UBR3: variants seen among roughly 807,000 people sequenced by gnomAD.
The protein encoded by UBR3 is ubiquitin protein ligase E3 component n-recognin 3, also known as E3 ubiquitin-protein ligase UBR3.
Under a neutral mutation model 243.2 loss-of-function variants are expected in UBR3, and 85 were observed. That is an observed-to-expected ratio of 0.35 (90% CI 0.29 to 0.42). The LOEUF (loss-of-function observed/expected upper bound fraction) is 0.42. Among genes scored for constraint, UBR3 ranks in the 10% least tolerant of loss-of-function variants. The probability of loss-of-function intolerance (pLI) is 1.00; values close to 1 mark genes in which losing one functional copy is unlikely to be tolerated. For synonymous variants in UBR3, 748 were observed against 799.8 expected (o/e 0.94, Z 1.09); for missense variants, 1,686 against 2,300.8 (o/e 0.73, Z 5.47).
At chr2:169,962,058 T>C (rs1281396811) in intron 24 of UBR3, among the ~76,000 whole-genome samples, 1 of 151,972 alleles carries the variant, frequency 6.6e-6, no homozygotes, top group Non-Finnish European at 1.5e-5. Context: ...CTGTCTTTGT[T>C]ACTTTTTCTC....
intron 19 of UBR3, among the ~76,000 whole-genome samples, chr2:169,936,834 G>A (rs574697789): frequency 4.6e-5 from 7 of 152,114 alleles, no homozygotes; most frequent in Non-Finnish European, 1.0e-4. Context: ...ATCCATGTCC[G>A]TACAAAGGAC....
At chr2:169,847,455 C>CAT (rs2082520497) in intron 1 of UBR3, among the ~76,000 whole-genome samples, 1 of 151,990 alleles carries the variant, frequency 6.6e-6, no homozygotes, top group South Asian at 2.1e-4. Flanking sequence ...AGTATAGAAA[C>CAT]CTTATAATAG....
At chr2:169,928,475 G>A (rs2085992697) in intron 17 of UBR3, among the ~76,000 whole-genome samples, 1 of 151,944 alleles carries the variant, frequency 6.6e-6, no homozygotes, top group Non-Finnish European at 1.5e-5. Flanking sequence ...TTATTTCGGG[G>A]AAAATATACC....
intron 35 of UBR3, among the ~76,000 whole-genome samples, chr2:170,064,168 T>A (rs1234345049): frequency 2.0e-5 from 3 of 152,192 alleles, no homozygotes; most frequent in African/African-American, 7.2e-5. Flanking sequence ...CTGTTCCTAG[T>A]CTGGCCCTTT....
chr2:170,042,807 T>C (rs2091000893), intron 32 of UBR3, among the ~76,000 whole-genome samples: 1 of 151,828 alleles, frequency 6.6e-6, no homozygotes, highest in South Asian at 2.1e-4. Flanking sequence ...GGTAATTATA[T>C]ATTTAACTGC....
chr2:169,949,673 T>C lies in UBR3; in HGVS notation c.3153T>C (p.Asn1051=). 1 of 1,551,178 alleles carries C rather than the reference T, an allele frequency of 6.4e-7. No homozygotes were observed. Among genetic ancestry groups the C allele is most frequent in the Non-Finnish European group, 8.7e-7 (1 of 1,146,616 alleles). ...GAAAGAAATTTCAGGAAATCATCAA[T>C]CGCAGTAGCAGTGAAGCAAATCAGG... The part of the protein sequence containing the change: ...ERRKKFQEII[N]RSSSEANQVV... Residue 1051 remains asparagine (N), a synonymous_variant, in exon 23 of 39, where the codon AAT becomes AAC. Coordinates refer to ENST00000272793, the MANE Select transcript of UBR3 (RefSeq NM_172070.4).
intron 32 of UBR3, among the ~76,000 whole-genome samples, chr2:170,049,098 T>A (rs1056652433): frequency 8.5e-5 from 13 of 152,194 alleles, no homozygotes; most frequent in African/African-American, 3.1e-4. Context: ...CACCATGCAG[T>A]TGAATCCACT....
chr2:170,081,657 AAG>A, intron 38 of UBR3, 67 bp from the exon 39 acceptor site: 1 of 1,224,126 alleles, frequency 8.2e-7, no homozygotes, highest in Non-Finnish European at 1.1e-6. Context: ...TCAGAAAAAA[AAG>A]AAGAAAGAAA....
At chr2:169,961,617 C>T (rs2087577462) in intron 24 of UBR3, among the ~76,000 whole-genome samples, 1 of 152,160 alleles carries the variant, frequency 6.6e-6, no homozygotes. Flanking sequence ...TTTTCTGTCA[C>T]AACTTTACAA....
At chr2:170,014,904 CA>C (rs2090189021) in intron 29 of UBR3, 1 of 158,782 alleles carries the variant, frequency 6.3e-6, no homozygotes, top group South Asian at 1.9e-4. Flanking sequence ...ACCACCTACA[CA>C]GTGGCTGACG....
intron 32 of UBR3, among the ~76,000 whole-genome samples, chr2:170,052,134 T>C (rs1227130963): frequency 6.6e-6 from 1 of 152,206 alleles, no homozygotes; most frequent in Non-Finnish European, 1.5e-5. Context: ...TTTTAGTCAA[T>C]GCTGCTACGT....
At chr2:169,986,256 G>A (rs1254470907) in intron 24 of UBR3, among the ~76,000 whole-genome samples, 2 of 152,108 alleles carry the variant, frequency 1.3e-5, no homozygotes. Context: ...GAGCTGTCAT[G>A]TTGTTGTGAA....
chr2:170,008,465 A>C (rs988116507), intron 28 of UBR3, among the ~76,000 whole-genome samples: 9 of 152,162 alleles, frequency 5.9e-5, no homozygotes, highest in African/African-American at 2.2e-4. Context: ...AAATGAACTT[A>C]AATGAAAGTC....
chr2:169,912,040 G>C (rs1178774962), intron 10 of UBR3, among the ~76,000 whole-genome samples: 1 of 152,092 alleles, frequency 6.6e-6, no homozygotes, highest in Non-Finnish European at 1.5e-5. Flanking sequence ...GAATTGACAG[G>C]ACATGGAGAT....
At position 169,997,436 on chromosome 2, in the gene UBR3, C is replaced by T. The variant is rs115698898; in HGVS notation, c.3918+2980C>T. 5.8e-3 allele frequency among the ~76,000 whole-genome samples: 876 copies of T among 152,190 alleles called. 7 individuals carry two copies. Among genetic ancestry groups the T allele is most frequent in the African/African-American group, 0.02 (826 of 41,534 alleles). On this transcript the variant is annotated intron_variant, in intron 26 of 38. Transcript: ENST00000272793. ...CCGAAAACTCAGAGACACCAGCAAC[C>T]ACAGAGCCCCAAGGGGGTGTCACAG...
intron 32 of UBR3, among the ~76,000 whole-genome samples, chr2:170,050,949 G>A (rs965696762): frequency 1.3e-5 from 2 of 152,108 alleles, no homozygotes; most frequent in Admixed American, 6.5e-5. Context: ...AGATACTCAA[G>A]TCCCTTACAT....
At chr2:170,005,801 T>C (rs1031301713) in intron 27 of UBR3, among the ~76,000 whole-genome samples, 3 of 152,034 alleles carry the variant, frequency 2.0e-5, no homozygotes, top group Non-Finnish European at 4.4e-5. Context: ...ATGCAGGACT[T>C]GGAGTGATGA....
At chr2:169,951,938 T>C (rs2087051130) in intron 23 of UBR3, among the ~76,000 whole-genome samples, 1 of 151,984 alleles carries the variant, frequency 6.6e-6, no homozygotes. Flanking sequence ...GATAATGGAG[T>C]GTAGGAGGGG....
chr2:169,937,515 G>T (rs2086390338), intron 19 of UBR3, among the ~76,000 whole-genome samples: 1 of 152,142 alleles, frequency 6.6e-6, no homozygotes, highest in Non-Finnish European at 1.5e-5. Flanking sequence ...AGTTTGATTA[G>T]ATCCCATTTG....
Sources: gnomAD v4.1 joint callset for allele counts (sites outside exome capture counted in the v4.1 genomes callset) on GRCh38, gnomAD v4.1.1 for gene constraint, MANE v1.5 for transcripts, NCBI Gene and HGNC (gene_info 2026-07-23, HGNC 2026-07-21) for gene names.